DNAH6: variants seen among roughly 807,000 people sequenced by gnomAD.
The protein encoded by DNAH6 is dynein axonemal heavy chain 6.
Under a neutral mutation model 491.4 loss-of-function variants are expected in DNAH6, and 340 were observed. That is an observed-to-expected ratio of 0.69 (90% confidence interval 0.63 to 0.76). The LOEUF (loss-of-function observed/expected upper bound fraction) is 0.76, where lower values mean the gene tolerates loss of function less well. DNAH6 is among the 30% of genes least tolerant of loss of function. The pLI, the probability that DNAH6 is intolerant of heterozygous loss-of-function variation, is 0.00. For missense variants in DNAH6, 4,443 were observed against 4,972.2 expected, an observed-to-expected ratio of 0.89 and a Z score of 3.20; for synonymous variants, 1,603 against 1,686.1, an observed-to-expected ratio of 0.95 and a Z score of 1.21.
intron 60 of DNAH6, 64 bp downstream of exon 60, chr2:84,722,868 C>A: frequency 1.0e-6 from 1 of 997,976 alleles, no homozygotes; most frequent in Non-Finnish European, 1.4e-6. Context: ...TGTTGAATTA[C>A]TTCTTGCTTC....
chr2:84,772,945 T>C (rs1272882872), intron 64 of DNAH6, among the ~76,000 whole-genome samples: 1 of 151,686 alleles, frequency 6.6e-6, no homozygotes, highest in Non-Finnish European at 1.5e-5. Context: ...ATAAAAAGCA[T>C]CCTTTCAAAC....
intron 19 of DNAH6, 35 bp from the exon 20 acceptor site, chr2:84,605,465 A>C: frequency 7.1e-7 from 1 of 1,410,076 alleles, no homozygotes; most frequent in Non-Finnish European, 9.8e-7. Context: ...AAACACACTG[A>C]ATTTAGATAT....
chr2:84,806,618 C>CAA (rs1162301447), intron 71 of DNAH6, among the ~76,000 whole-genome samples: 277 of 37,634 alleles, frequency 7.4e-3, no homozygotes, highest in Non-Finnish European at 8.3e-3. Flanking sequence ...GACTCAGTCT[C>CAA]AAAAAAAAAA....
intron 70 of DNAH6, among the ~76,000 whole-genome samples, chr2:84,804,661 G>C (rs1260596722): frequency 6.6e-6 from 1 of 151,960 alleles, no homozygotes. Context: ...GTGTTCTCAT[G>C]ATTTTTCCCT....
chr2:84,656,071 C>G (rs1312710642), intron 35 of DNAH6, among the ~76,000 whole-genome samples: 1 of 152,104 alleles, frequency 6.6e-6, no homozygotes, highest in Admixed American at 6.5e-5. Flanking sequence ...CCTTTTCAGA[C>G]TGGCTTTTTT....
chr2:84,715,535 T>C lies in DNAH6; in HGVS notation c.9544-25T>C, dbSNP rs746273696. The C allele has an allele frequency of 1.5e-5, 24 of 1,549,570 alleles. 1 individual carries two copies. The highest frequency in any genetic ancestry group is 1.7e-6 in the Non-Finnish European group (2 of 1,145,502). On this transcript the variant is annotated intron_variant, in intron 57 of 76. Coordinates refer to ENST00000389394, the MANE Select transcript of DNAH6 (RefSeq NM_001370.2). ...TTATTAGTTTGCACTTAAGCATTTT[T>C]ATGCACTCTGTGCTTCTCTTCCAGG...
rs1444962484 is a variant in DNAH6, at chr2:84,677,177, A to C, written c.6744+41A>C. 1.9e-6 allele frequency: 3 copies of C among 1,550,574 alleles called. No homozygotes were observed. In the African/African-American group the frequency reaches 4.1e-5, roughly 21 times the overall value. On this transcript the variant is annotated intron_variant, in intron 41 of 76. Coordinates refer to ENST00000389394, the MANE Select transcript of DNAH6 (RefSeq NM_001370.2). ...AACTTAGGCAACAGGAGGAAAAGAAAGCATATTTGTTCCAAGGCTCCCACA... is the reference window on the plus strand; with the variant it reads ...AACTTAGGCAACAGGAGGAAAAGAACGCATATTTGTTCCAAGGCTCCCACA...
intron 7 of DNAH6, among the ~76,000 whole-genome samples, 182 bp downstream of exon 7, chr2:84,547,794 GT>G (rs2104540954): frequency 6.6e-6 from 1 of 152,252 alleles, no homozygotes; most frequent in Admixed American, 6.5e-5. Context: ...AATACTGCAT[GT>G]TTCTCCCATT....
intron 70 of DNAH6, among the ~76,000 whole-genome samples, chr2:84,800,448 A>C (rs192435532): frequency 1.6e-4 from 24 of 152,348 alleles, no homozygotes; most frequent in Admixed American, 1.4e-3. Context: ...AATTCAGAAT[A>C]TGTATGACAA....
chr2:84,650,394 T>C (rs114894234), intron 33 of DNAH6, among the ~76,000 whole-genome samples: 79 of 152,264 alleles, frequency 5.2e-4, no homozygotes, highest in Non-Finnish European at 1.0e-3. Context: ...TATCTTGCAG[T>C]TTACCAAATC....
chr2:84,690,868 A>G (rs1393754660), intron 45 of DNAH6, among the ~76,000 whole-genome samples: 1 of 152,256 alleles, frequency 6.6e-6, no homozygotes, highest in Non-Finnish European at 1.5e-5. Flanking sequence ...AGCACACACT[A>G]CATTTCCATT....
At chr2:84,767,114 A>C (rs1245512169) in intron 64 of DNAH6, among the ~76,000 whole-genome samples, 1 of 152,220 alleles carries the variant, frequency 6.6e-6, no homozygotes, top group Non-Finnish European at 1.5e-5. Context: ...GAAACAGAGC[A>C]CAGAGTATCC....
chr2:84,554,489 CT>C (rs1374078854), intron 10 of DNAH6, among the ~76,000 whole-genome samples: 1 of 152,288 alleles, frequency 6.6e-6, no homozygotes, highest in Admixed American at 6.5e-5. Context: ...CTGCTGTACT[CT>C]GATTCAAAAG....
intron 22 of DNAH6, 93 bp downstream of exon 22, chr2:84,611,947 A>T: frequency 8.8e-7 from 1 of 1,139,274 alleles, no homozygotes; most frequent in Non-Finnish European, 1.2e-6. Flanking sequence ...CTGGGAATCT[A>T]ATAACATATG....
intron 29 of DNAH6, among the ~76,000 whole-genome samples, chr2:84,633,318 C>T (rs1208817978): frequency 2.6e-5 from 4 of 152,104 alleles, no homozygotes; most frequent in Non-Finnish European, 5.9e-5. Flanking sequence ...TAATATCTCC[C>T]CAAGGCAGAT....
upstream of DNAH6, among the ~76,000 whole-genome samples, chr2:84,515,387 T>C (rs766432998): frequency 2.6e-5 from 4 of 152,224 alleles, no homozygotes; most frequent in Non-Finnish European, 4.4e-5. Flanking sequence ...AAGCACTTGC[T>C]TTCTCTGGGC....
chr2:84,566,289 T>A (rs1681185963), intron 11 of DNAH6, among the ~76,000 whole-genome samples: 1 of 152,062 alleles, frequency 6.6e-6, no homozygotes, highest in African/African-American at 2.4e-5. Flanking sequence ...ATATTCACAA[T>A]GCCACCTCAG....
At chr2:84,769,495 G>A (rs1472805025) in intron 64 of DNAH6, among the ~76,000 whole-genome samples, 2 of 152,240 alleles carry the variant, frequency 1.3e-5, no homozygotes, top group African/African-American at 4.8e-5. Context: ...CTAGACAGGA[G>A]AGCTTTGTGG....
chr2:84,614,568 C>T (rs997038747), intron 22 of DNAH6, among the ~76,000 whole-genome samples: 1 of 152,120 alleles, frequency 6.6e-6, no homozygotes, highest in African/African-American at 2.4e-5. Flanking sequence ...ATTGCTGGAT[C>T]AAATGGTAGA....
Sources: allele counts gnomAD v4.1 joint callset (sites outside exome capture counted in the v4.1 genomes callset), GRCh38; gene constraint gnomAD v4.1.1; transcripts MANE v1.5; gene names NCBI Gene and HGNC (gene_info 2026-07-23, HGNC 2026-07-21).